NLK: variants seen among roughly 807,000 people sequenced by gnomAD.
NLK encodes nemo like kinase.
In NLK, 11 loss-of-function variants were observed where a neutral mutation model predicts 59.0. That is an observed-to-expected ratio of 0.19 (90% CI 0.12 to 0.31). NLK has a LOEUF of 0.31. Among genes scored for constraint, NLK ranks in the 10% least tolerant of loss-of-function variants. The pLI is 1.00. For missense variants in NLK, 410 were observed against 661.1 expected (o/e 0.62, Z 4.16); for synonymous variants, 235 against 235.9 (o/e 1.00, Z 0.03).
chr17:28,095,586 A>G (rs747388724), intron 1 of NLK, among the ~76,000 whole-genome samples: 5 of 152,158 alleles, frequency 3.3e-5, no homozygotes, highest in Admixed American at 6.5e-5. Context: ...ACTTTATTAT[A>G]AAGCAAGGTG....
intron 1 of NLK, among the ~76,000 whole-genome samples, chr17:28,109,712 A>G (rs1216741776): frequency 1.3e-5 from 2 of 152,202 alleles, no homozygotes; most frequent in African/African-American, 4.8e-5. Flanking sequence ...TAGATGTATC[A>G]TAGTTTATGC....
intron 1 of NLK, among the ~76,000 whole-genome samples, chr17:28,082,665 T>G (rs1317865633): frequency 6.6e-6 from 1 of 152,208 alleles, no homozygotes; most frequent in South Asian, 2.1e-4. Flanking sequence ...AAGAGCAGAA[T>G]TTAATGTTGA....
At chr17:28,138,051 T>G (rs1213583879) in intron 3 of NLK, among the ~76,000 whole-genome samples, 2 of 152,238 alleles carry the variant, frequency 1.3e-5, no homozygotes, top group African/African-American at 4.8e-5. Context: ...ACTTAATTAC[T>G]TTGAGCCTAC....
intron 3 of NLK, among the ~76,000 whole-genome samples, chr17:28,143,632 ATCTT>A (rs1457752734): frequency 3.9e-5 from 6 of 152,356 alleles, no homozygotes; most frequent in Middle Eastern, 6.8e-3. Flanking sequence ...CCAATTAAAT[ATCTT>A]TATTTTGCTA....
chr17:28,145,096 A>G (rs563394945), intron 3 of NLK, among the ~76,000 whole-genome samples: 31 of 152,318 alleles, frequency 2.0e-4, no homozygotes, highest in African/African-American at 7.2e-4. Flanking sequence ...TTACACGTTT[A>G]ATTGATAGTT....
At chr17:28,135,354 C>G (rs886347836) in intron 3 of NLK, among the ~76,000 whole-genome samples, 1 of 152,184 alleles carries the variant, frequency 6.6e-6, no homozygotes, top group South Asian at 2.1e-4. Flanking sequence ...CATGGAGCAC[C>G]CATGTGAGTG....
chr17:28,122,457 C>G, intron 1 of NLK, 146 bp from the exon 2 acceptor site: 1 of 755,974 alleles, frequency 1.3e-6, no homozygotes, highest in Admixed American at 2.7e-5. Context: ...TTATCTTTCT[C>G]ACTGACACCT....
chr17:28,090,632 G>A (rs1377119776), intron 1 of NLK, among the ~76,000 whole-genome samples: 1 of 152,118 alleles, frequency 6.6e-6, no homozygotes, highest in Non-Finnish European at 1.5e-5. Flanking sequence ...CGAGAGGTGG[G>A]AGGATCGCTT....
intron 1 of NLK, among the ~76,000 whole-genome samples, chr17:28,067,547 A>AT (rs1909871250): frequency 6.6e-6 from 1 of 151,736 alleles, no homozygotes; most frequent in Non-Finnish European, 1.5e-5. Flanking sequence ...AAAAAAAAAA[A>AT]GGCTGACAAT....
chr17:28,050,388 A>T (rs1466032420), intron 1 of NLK, among the ~76,000 whole-genome samples: 1 of 152,204 alleles, frequency 6.6e-6, no homozygotes, highest in East Asian at 1.9e-4. Flanking sequence ...TTGGAATGTC[A>T]TGCTTGAGGC....
intron 1 of NLK, among the ~76,000 whole-genome samples, chr17:28,052,894 T>G (rs1428623784): frequency 6.6e-6 from 1 of 151,210 alleles, no homozygotes; most frequent in East Asian, 1.9e-4. Context: ...TGGTGTTTTT[T>G]TTTTTTTTTT....
intron 1 of NLK, among the ~76,000 whole-genome samples, chr17:28,091,490 TAC>T (rs1423525700): frequency 4.0e-5 from 6 of 150,392 alleles, no homozygotes; most frequent in East Asian, 3.9e-4. Flanking sequence ...TATATATATA[TAC>T]ACACACACAT....
chr17:28,107,393 C>A (rs1200700050), intron 1 of NLK, among the ~76,000 whole-genome samples: 1 of 151,768 alleles, frequency 6.6e-6, no homozygotes, highest in African/African-American at 2.4e-5. Context: ...CAAGACCACA[C>A]CATTGCACTC....
At position 28,192,209 on chromosome 17, in the gene NLK, AT is replaced by A; in HGVS notation, c.1527del (p.Ser510ValfsTer23). 6.5e-7 allele frequency: 1 copy of A among 1,544,400 alleles called. No individual in the cohort carries two copies. The highest frequency in any genetic ancestry group is 8.9e-7 in the Non-Finnish European group (1 of 1,119,372). On this transcript the variant is annotated frameshift_variant, in exon 10 of 11. Coordinates refer to ENST00000407008, the MANE Select transcript of NLK (RefSeq NM_016231.5). LOFTEE classifies it high-confidence loss of function. ...NPQSAAFKSF[I>X]SSTVAQPSEM... ...TCAGTCTGCTGCTTTTAAGAGCTTT[AT>A]TAGGTAACTATATGTATGTAATTCA...
chr17:28,067,461 C>T (rs535945301), intron 1 of NLK, among the ~76,000 whole-genome samples: 113 of 150,480 alleles, frequency 7.5e-4, no homozygotes, highest in South Asian at 1.9e-3. Context: ...AACTCTCTAA[C>T]AGTCTCTATG....
At chr17:28,074,596 T>C (rs1481260719) in intron 1 of NLK, among the ~76,000 whole-genome samples, 1 of 152,218 alleles carries the variant, frequency 6.6e-6, no homozygotes, top group East Asian at 1.9e-4. Context: ...GTGGCCATTA[T>C]ATATTTGTCC....
At chr17:28,157,311 C>G (rs1273989521) in intron 3 of NLK, among the ~76,000 whole-genome samples, 1 of 152,184 alleles carries the variant, frequency 6.6e-6, no homozygotes, top group Non-Finnish European at 1.5e-5. Context: ...CCTGCCTCAG[C>G]CTCCAAGTAA....
At chr17:28,096,008 C>CCT (rs1349055874) in intron 1 of NLK, among the ~76,000 whole-genome samples, 3 of 152,192 alleles carry the variant, frequency 2.0e-5, no homozygotes, top group African/African-American at 7.2e-5. Context: ...AATCTTACTT[C>CCT]CTGTTGCAAG....
Position 28,044,363 on chromosome 17 carries a change from C to T in NLK, c.458+1032C>T, listed in dbSNP as rs925602782. Among the ~76,000 whole-genome samples the T allele has an allele frequency of 1.1e-4, 17 of 152,214 alleles. No homozygotes were observed. The South Asian group carries it at 1.7e-3, about 15-fold the overall frequency. ...GAAAATGAACTCTTTGGAACTAGCC[C>T]GGTAAATATCTCCTTTCGTCATTGT... On this transcript the variant is annotated intron_variant, in intron 1 of 10. Coordinates refer to ENST00000407008, the MANE Select transcript of NLK (RefSeq NM_016231.5).
Sources: allele counts gnomAD v4.1 joint callset (sites outside exome capture counted in the v4.1 genomes callset), GRCh38; gene constraint gnomAD v4.1.1; transcripts MANE v1.5; gene names NCBI Gene and HGNC (gene_info 2026-07-23, HGNC 2026-07-21).